WWOX: variants seen among roughly 807,000 people sequenced by gnomAD.
WWOX encodes WW domain containing oxidoreductase.
In WWOX, 69 loss-of-function variants were observed where a neutral mutation model predicts 46.2. That is an observed-to-expected ratio of 1.49 (90% confidence interval 1.23 to 1.82). The LOEUF is 1.82. Among genes scored for constraint, WWOX ranks in the 40% most tolerant of loss-of-function variants. The pLI is 0.00. For synonymous variants in WWOX, 359 were observed against 202.6 expected, an observed-to-expected ratio of 1.77 and a Z score of -6.56; for missense variants, 919 against 542.6, an observed-to-expected ratio of 1.69 and a Z score of -6.89.
intron 5 of WWOX, among the ~76,000 whole-genome samples, chr16:78,247,567 T>C (rs2037851659): frequency 6.6e-6 from 1 of 152,148 alleles, no homozygotes; most frequent in African/African-American, 2.4e-5. Flanking sequence ...TCTATTTCCT[T>C]CGGATCTGTT....
chr16:78,187,106 C>T (rs972105545), intron 5 of WWOX, among the ~76,000 whole-genome samples: 1 of 152,202 alleles, frequency 6.6e-6, no homozygotes, highest in Non-Finnish European at 1.5e-5. Context: ...CCCAAAGAAA[C>T]ACCCTTTACC....
intron 8 of WWOX, among the ~76,000 whole-genome samples, chr16:79,075,531 T>C (rs149442420): frequency 0.014 from 2,008 of 143,524 alleles, 25 homozygotes; most frequent in Non-Finnish European, 0.016. Flanking sequence ...CCTCTGGCGA[T>C]TTTTCCTTTC....
intron 8 of WWOX, among the ~76,000 whole-genome samples, chr16:78,455,403 G>A (rs1341637544): frequency 2.0e-5 from 3 of 152,150 alleles, no homozygotes; most frequent in South Asian, 2.1e-4. Flanking sequence ...CATTTTGGGA[G>A]GCCAAGGTGG....
chr16:78,834,298 T>C (rs2051914883), intron 8 of WWOX, among the ~76,000 whole-genome samples: 1 of 152,192 alleles, frequency 6.6e-6, no homozygotes, highest in Non-Finnish European at 1.5e-5. Context: ...CACTGCTCTG[T>C]GCTGAGTCTG....
chr16:78,517,448 C>G lies in WWOX; in HGVS notation c.1056+84696C>G, dbSNP rs938480803. On this transcript the variant is annotated intron_variant, in intron 8 of 8. Coordinates refer to ENST00000566780, the MANE Select transcript of WWOX (RefSeq NM_016373.4). ...TCCAGCTATGTTTAAATATGAATGT[C>G]TTGTTCGACGCTTCGCATATGTATT... Among the ~76,000 whole-genome samples, 7 of 152,280 alleles carry G rather than the reference C, an allele frequency of 4.6e-5. No individual in the cohort carries two copies. In the East Asian group the frequency reaches 1.2e-3, roughly 25 times the overall value.
intron 1 of WWOX, among the ~76,000 whole-genome samples, chr16:78,104,986 A>G (rs921397804): frequency 2.6e-5 from 4 of 152,190 alleles, no homozygotes; most frequent in Admixed American, 6.5e-5. Context: ...GGGCTTCAGA[A>G]TCTTCACGAC....
intron 8 of WWOX, among the ~76,000 whole-genome samples, chr16:78,733,806 C>T: frequency 6.6e-6 from 1 of 152,104 alleles, no homozygotes; most frequent in African/African-American, 2.4e-5. Flanking sequence ...TGGGTCATGC[C>T]TGCCATCCCA....
At chr16:78,824,715 C>G (rs1334432479) in intron 8 of WWOX, among the ~76,000 whole-genome samples, 1 of 152,118 alleles carries the variant, frequency 6.6e-6, no homozygotes, top group Non-Finnish European at 1.5e-5. Context: ...TATTCACTAT[C>G]ACGAGGATAG....
chr16:78,206,987 A>G (rs111642665), intron 5 of WWOX, among the ~76,000 whole-genome samples: 313 of 152,330 alleles, frequency 2.1e-3, no homozygotes, highest in African/African-American at 7.2e-3. Flanking sequence ...ATCAAGATAG[A>G]TTCCTTGTTA....
chr16:78,628,366 T>C (rs1009544096), intron 8 of WWOX, among the ~76,000 whole-genome samples: 1 of 152,116 alleles, frequency 6.6e-6, no homozygotes, highest in African/African-American at 2.4e-5. Flanking sequence ...TAAATATACA[T>C]TCCCAAGCCC....
chr16:78,740,964 A>C (rs1325112244), intron 8 of WWOX, among the ~76,000 whole-genome samples: 1 of 152,214 alleles, frequency 6.6e-6, no homozygotes, highest in Non-Finnish European at 1.5e-5. Flanking sequence ...AGAACTGTGC[A>C]AATACAAGCC....
At chr16:78,409,204 A>T (rs551459970) in intron 6 of WWOX, among the ~76,000 whole-genome samples, 53 of 151,874 alleles carry the variant, frequency 3.5e-4, no homozygotes, top group African/African-American at 5.1e-4. Context: ...TTTAAAAAAA[A>T]TTTTTTTTTG....
intron 8 of WWOX, among the ~76,000 whole-genome samples, chr16:78,994,024 C>T (rs1378205732): frequency 2.6e-5 from 4 of 152,086 alleles, no homozygotes; most frequent in African/African-American, 7.2e-5. Context: ...TACCCTGGAC[C>T]CCTGTCCTAA....
chr16:78,588,549 C>G (rs1345061331), intron 8 of WWOX, among the ~76,000 whole-genome samples: 2 of 152,142 alleles, frequency 1.3e-5, no homozygotes, highest in South Asian at 2.1e-4. Context: ...ACTATAATCA[C>G]AGAGCTTGCA....
chr16:78,635,116 C>T (rs2046536614), intron 8 of WWOX, among the ~76,000 whole-genome samples: 1 of 152,150 alleles, frequency 6.6e-6, no homozygotes, highest in Non-Finnish European at 1.5e-5. Flanking sequence ...AGTCAGATTT[C>T]AAATCTAAAT....
chr16:78,975,567 G>T (rs74032471), intron 8 of WWOX, among the ~76,000 whole-genome samples: 4 of 151,796 alleles, frequency 2.6e-5, no homozygotes, highest in African/African-American at 7.3e-5. Flanking sequence ...CTGAATGCCT[G>T]TTCATGTACC....
intron 8 of WWOX, chr16:78,525,195 T>C (rs2043435174): frequency 1.3e-5 from 2 of 148,576 alleles, no homozygotes; most frequent in Non-Finnish European, 3.0e-5. Context: ...TTTTTTTTTT[T>C]TTTTTTTTGA....
chr16:78,268,038 C>G (rs960272606), intron 5 of WWOX, among the ~76,000 whole-genome samples: 1 of 152,176 alleles, frequency 6.6e-6, no homozygotes. Context: ...AGGCTCATCT[C>G]GAACCCCTTG....
chr16:78,528,916 CT>C (rs1004109163), intron 8 of WWOX, among the ~76,000 whole-genome samples: 28 of 145,914 alleles, frequency 1.9e-4, no homozygotes, highest in African/African-American at 3.5e-4. Flanking sequence ...AAAAAACTTT[CT>C]TTTTTTTTTC....
Sources: gnomAD v4.1 joint callset for allele counts (sites outside exome capture counted in the v4.1 genomes callset) on GRCh38, gnomAD v4.1.1 for gene constraint, MANE v1.5 for transcripts, NCBI Gene and HGNC (gene_info 2026-07-23, HGNC 2026-07-21) for gene names.